Variants in PLCB2 observed in about 807,000 individuals in gnomAD.
PLCB2 encodes the protein 1-phosphatidylinositol 4,5-bisphosphate phosphodiesterase beta-2.
Under a neutral mutation model 141.7 loss-of-function variants are expected in PLCB2, and 115 were observed. The observed-to-expected ratio is 0.81, with a 90% CI of 0.70 to 0.95. PLCB2 has a LOEUF of 0.95. Among genes scored for constraint, PLCB2 ranks in the 40% least tolerant of loss-of-function variants. The pLI is 0.00. For synonymous variants in PLCB2, 603 were observed against 595.6 expected (o/e 1.01, Z -0.18); for missense variants, 1,403 against 1,541.1 (o/e 0.91, Z 1.50).
chr15:40,284,646 C>T, downstream of PLCB2: 1 of 439,880 alleles, frequency 2.3e-6, no homozygotes, highest in Non-Finnish European at 4.5e-6. Flanking sequence ...TCGAGACCAT[C>T]CTGGCCAACA....
chr15:40,302,689 GC>G (rs2040583490), intron 3 of PLCB2, 80 bp from the exon 4 acceptor site: 1 of 1,523,504 alleles, frequency 6.6e-7, no homozygotes, highest in Admixed American at 1.8e-5. Flanking sequence ...CCTCCCCTCA[GC>G]CACTTGGGCT....
intron 30 of PLCB2, 55 bp downstream of exon 30, chr15:40,289,968 AGT>A (rs1156960787): frequency 1.7e-4 from 90 of 525,086 alleles, no homozygotes; most frequent in African/African-American, 7.3e-4. Flanking sequence ...AGAGAGAGAG[AGT>A]GTGTGTGTGT....
chr15:40,290,727 A>G, intron 28 of PLCB2, 34 bp downstream of exon 28: 1 of 1,612,110 alleles, frequency 6.2e-7, no homozygotes, highest in Non-Finnish European at 8.5e-7. Context: ...CCTTGCTGGG[A>G]GGCGAAGCAG....
At chr15:40,286,686 CTCT>C (rs1171704473), downstream of PLCB2, among the ~76,000 whole-genome samples, 1 of 152,224 alleles carries the variant, frequency 6.6e-6, no homozygotes, top group Non-Finnish European at 1.5e-5. Context: ...AAGGCGTCAA[CTCT>C]TCTTCTATAC....
chr15:40,297,709 G>T lies in PLCB2; in HGVS notation c.1239-104C>A. On this transcript the variant is annotated intron_variant, in intron 12 of 31. Coordinates refer to ENST00000260402, the MANE Select transcript of PLCB2 (RefSeq NM_004573.3). The surrounding 1 kb of genome is among the most constrained non-coding windows in gnomAD (Gnocchi z 4.2). ...CCCAGATCAGGGGCCAGGAGGTCAG[G>T]GAGGCTGGGACTCGAGCAGGAGAAC... is the stretch of plus-strand genomic sequence containing the variant. 9.6e-7 allele frequency: 1 copy of T among 1,039,018 alleles called. No individual in the cohort carries two copies. Among genetic ancestry groups the T allele is most frequent in the South Asian group, 1.4e-5 (1 of 71,546 alleles). The allele number at this position is 1,039,018 out of a possible 1,614,324, so 64.4% of individuals were successfully genotyped here. A position where few individuals can be genotyped will look rare whatever the true frequency, so the allele number is the denominator to read the frequency against.
At chr15:40,306,327 A>G (rs1231703416) in intron 1 of PLCB2, among the ~76,000 whole-genome samples, 6 of 152,136 alleles carry the variant, frequency 3.9e-5, no homozygotes, top group Non-Finnish European at 5.9e-5. Context: ...CCAATGCCCT[A>G]CCTTGGAGAG....
At position 40,288,331 on chromosome 15, in the gene PLCB2, G is replaced by A. The variant is rs2039663607; in HGVS notation, c.*384C>T. ...GTTCGGGGCTAGAGTGGAGGTGAGTGGGTCCAACCCTCCAGGTGAGGAAAC... is the reference window on the plus strand; with the variant it reads ...GTTCGGGGCTAGAGTGGAGGTGAGTAGGTCCAACCCTCCAGGTGAGGAAAC... On this transcript the variant is annotated 3_prime_UTR_variant, in exon 32 of 32. Coordinates refer to ENST00000260402, the MANE Select transcript of PLCB2 (RefSeq NM_004573.3). 9.9e-7 allele frequency: 1 copy of A among 1,005,618 alleles called. No homozygotes were observed. The highest frequency in any genetic ancestry group is 1.2e-6 in the Non-Finnish European group (1 of 843,442). 62.3% of individuals were successfully genotyped at this position (1,005,618 alleles called of 1,614,324 possible).
At chr15:40,284,612 C>G, downstream of PLCB2, 2 of 452,718 alleles carry the variant, frequency 4.4e-6, no homozygotes, top group East Asian at 1.4e-4. Flanking sequence ...GAGGCCGAGG[C>G]GGGCGGATCA....
In PLCB2 at chr15:40,291,116, C is replaced by A. The variant is rs748878920; in HGVS notation, c.2938G>T (p.Val980Leu). ...GEGPEGVDGR[V>L]RELKDRLELE... is the part of the protein sequence containing the mutation. ...TCCAGCCTGTCTTTCAGCTCCCGCA[C>A]GCGCCCGTCCACGCCCTCAGGGCCC... Residue 980 changes from valine to leucine, a missense_variant, in exon 27 of 32, where the codon GTG becomes TTG. Val to Leu is a conservative substitution (Grantham distance 32, BLOSUM62 1). This residue lies in a region of PLCB2 where 290 missense variants were observed against 245.9 expected (regional missense o/e 1.18). Coordinates refer to ENST00000260402, the MANE Select transcript of PLCB2 (RefSeq NM_004573.3). The A allele has an allele frequency of 6.3e-7, 1 of 1,580,168 alleles. No homozygotes were observed. Among genetic ancestry groups the A allele is most frequent in the South Asian group, 1.1e-5 (1 of 88,016 alleles).
At position 40,298,579 on chromosome 15, in the gene PLCB2, T is replaced by C. The variant is rs748949244; in HGVS notation, c.980A>G (p.His327Arg). The C allele has an allele frequency of 4.3e-6, 7 of 1,614,216 alleles. No homozygotes were observed. Among genetic ancestry groups the C allele is most frequent in the Non-Finnish European group, 5.9e-6 (7 of 1,180,030 alleles). Residue 327 changes from histidine to arginine, a missense_variant, in exon 10 of 32, where the codon CAC (histidine) becomes CGC (arginine). Transcript: ENST00000260402. ...GGGCCCACCTGTCAGGTAGGTGTTG[T>C]GGGACGAGTTGATGAAGTAATGATT... Reference protein sequence around the residue: ...PLNHYFINSSHNTYLTAGQFS... With the variant: ...PLNHYFINSSRNTYLTAGQFS...
chr15:40,307,832 T>C lies in PLCB2; in HGVS notation c.-160A>G. 1.9e-6 allele frequency: 1 copy of C among 539,548 alleles called. No homozygotes were observed. Among genetic ancestry groups the C allele is most frequent in the Non-Finnish European group, 3.2e-6 (1 of 308,772 alleles). The allele number at this position is 539,548 out of a possible 1,614,324, so 33.4% of individuals were successfully genotyped here. On this transcript the variant is annotated 5_prime_UTR_variant, in exon 1 of 32. Transcript: ENST00000260402. Reference sequence around the variant, plus strand: ...GCTCTTATAGCCCCTGGGGTGGCCCTGGCTGAGTGCAGGACTGAGCTGTAG... The same window carrying C: ...GCTCTTATAGCCCCTGGGGTGGCCCCGGCTGAGTGCAGGACTGAGCTGTAG...
In PLCB2 at chr15:40,292,430, C is replaced by G. The variant is rs763492276; in HGVS notation, c.2340G>C (p.Leu780=). Residue 780 remains leucine (L), a synonymous_variant, in exon 22 of 32, where the codon CTG becomes CTC. Transcript: ENST00000260402. The stretch of plus-strand genomic sequence containing the variant: ...GCATGTTGCTCTCACTGTGCAGGCA[C>G]AGGTGGTGGTACCCTGTGAGACAGG... ...INALNSGYHH[L]CLHSESNMPL... The G allele has an allele frequency of 6.2e-7, 1 of 1,613,264 alleles. No individual in the cohort carries two copies. The highest frequency in any genetic ancestry group is 8.5e-7 in the Non-Finnish European group (1 of 1,179,398).
At position 40,302,298 on chromosome 15, in the gene PLCB2, C is replaced by G; in HGVS notation, c.424G>C (p.Ala142Pro). 6.8e-6 allele frequency: 11 copies of G among 1,614,138 alleles called. No homozygotes were observed. The highest frequency in any genetic ancestry group is 9.3e-6 in the Non-Finnish European group (11 of 1,180,026). ...ALVKHPLTANASRSTFLDKIL... is the reference protein window; with the variant it reads ...ALVKHPLTANPSRSTFLDKIL... ...TTGTCCAGGAAGGTGCTGCGGGAGGCGTTGGCCGTCAGCGGATGTTTGACT... is the reference window on the plus strand; with the variant it reads ...TTGTCCAGGAAGGTGCTGCGGGAGGGGTTGGCCGTCAGCGGATGTTTGACT... The change falls in exon 5 of 32, where the codon GCC (alanine) becomes CCC (proline). Residue 142 changes from alanine (A) to proline (P), a missense_variant. By Grantham distance (27) the Ala-to-Pro change is conservative (BLOSUM62 -1). Transcript: ENST00000260402.
intron 16 of PLCB2, among the ~76,000 whole-genome samples, chr15:40,295,683 G>C (rs1303824948): frequency 6.6e-6 from 1 of 152,176 alleles, no homozygotes; most frequent in Non-Finnish European, 1.5e-5. Flanking sequence ...GAACACGTCT[G>C]GGGAGAGGGG....
downstream of PLCB2, among the ~76,000 whole-genome samples, chr15:40,285,090 C>CT (rs1294460477): frequency 2.6e-5 from 4 of 152,168 alleles, no homozygotes; most frequent in African/African-American, 4.8e-5. Flanking sequence ...GCCCTGCACC[C>CT]TGAACCCCTT....
In PLCB2 at chr15:40,297,458, T is replaced by G. The variant is rs2040281133; in HGVS notation, c.1323+63A>C. On this transcript the variant is annotated intron_variant, in intron 13 of 31. Coordinates refer to ENST00000260402, the MANE Select transcript of PLCB2 (RefSeq NM_004573.3). This position sits in a 1 kb window ranked among gnomAD's most constrained non-coding sequence, Gnocchi z 4.2. ...GGGAGTGTCTCCCTCCCTAACCTGG[T>G]TCTCACCCTGCCCCAGGTTCCCAGG... The G allele has an allele frequency of 7.9e-7, 1 of 1,264,818 alleles. No individual in the cohort carries two copies. The highest frequency in any genetic ancestry group is 1.2e-6 in the Non-Finnish European group (1 of 861,568). 78.3% of individuals were successfully genotyped at this position (1,264,818 alleles called of 1,614,324 possible).
Position 40,294,305 on chromosome 15 carries a change from G to C in PLCB2, c.2022C>G (p.Asp674Glu). ...TGGTGGCCACCACCACGTCGATGCG[G>C]TCCACTGAGAAGGGGTTGAACTGCT... is the stretch of plus-strand genomic sequence containing the variant. Reference protein sequence around the residue: ...PDKQFNPFSVDRIDVVVATTL... With the variant: ...PDKQFNPFSVERIDVVVATTL... Residue 674 changes from aspartate to glutamate, a missense_variant, in exon 19 of 32, where the codon GAC becomes GAG. Coordinates refer to ENST00000260402, the MANE Select transcript of PLCB2 (RefSeq NM_004573.3). 6.2e-7 allele frequency: 1 copy of C among 1,614,148 alleles called. No homozygotes were observed. The highest frequency in any genetic ancestry group is 8.5e-7 in the Non-Finnish European group (1 of 1,180,036).
In PLCB2 at chr15:40,307,625, A is replaced by G; in HGVS notation, c.48T>C (p.Tyr16=). ...TGATGAAGCGCTCCCCTTGGCTCAG[A>G]TAGGCCTTCACCTTGGGGGGCAGCA... ...PVLLPPKVKA[Y]LSQGERFIKW... is the part of the protein sequence containing the mutation. The change falls in exon 1 of 32, where the codon TAT becomes TAC. Residue 16 remains tyrosine (Y), a synonymous_variant. Transcript: ENST00000260402. The G allele has an allele frequency of 6.3e-7, 1 of 1,589,302 alleles. No individual in the cohort carries two copies. The highest frequency in any genetic ancestry group is 8.6e-7 in the Non-Finnish European group (1 of 1,166,468).
intron 19 of PLCB2, 25 bp from the exon 20 acceptor site, chr15:40,293,749 C>T (rs769231209): frequency 6.3e-7 from 1 of 1,598,368 alleles, no homozygotes; most frequent in Admixed American, 1.7e-5. Context: ...CCAGGAAAAC[C>T]AGCATCAAAT....
Sources: allele counts gnomAD v4.1 joint callset (sites outside exome capture counted in the v4.1 genomes callset), GRCh38; gene constraint gnomAD v4.1.1; regional missense constraint gnomAD v4.1.1; non-coding constraint Gnocchi (gnomAD v3.1); transcripts MANE v1.5; gene names NCBI Gene and HGNC (gene_info 2026-07-23, HGNC 2026-07-21).